Variants in FUT8 observed in about 807,000 individuals in gnomAD.
FUT8 encodes the protein alpha-(1,6)-fucosyltransferase.
FUT8 carries 29 observed loss-of-function variants against 71.3 expected under a neutral mutation model. The ratio of observed to expected loss-of-function variants is 0.41; its 90% CI spans 0.30 to 0.55. The LOEUF is 0.55. FUT8 is among the 20% of genes least tolerant of loss of function. The pLI is 0.34. For missense variants in FUT8, 544 were observed against 702.1 expected (o/e 0.77, Z 2.55); for synonymous variants, 254 against 239.3 (o/e 1.06, Z -0.57).
intron 7 of FUT8, among the ~76,000 whole-genome samples, chr14:65,718,073 A>G (rs1895215751): frequency 6.6e-6 from 1 of 152,096 alleles, no homozygotes; most frequent in Admixed American, 6.6e-5. Context: ...AGTGTTATTA[A>G]TAATAAGTAA....
At chr14:65,644,130 G>T (rs1279555150) in intron 6 of FUT8, among the ~76,000 whole-genome samples, 1 of 152,298 alleles carries the variant, frequency 6.6e-6, no homozygotes, top group South Asian at 2.1e-4. Flanking sequence ...GAATTAGGGA[G>T]TAGCAAGACG....
At chr14:65,608,458 G>A (rs530849527) in intron 3 of FUT8, among the ~76,000 whole-genome samples, 2 of 151,908 alleles carry the variant, frequency 1.3e-5, no homozygotes, top group South Asian at 2.1e-4. Context: ...TTTCATTTAG[G>A]CTACAACTCA....
intron 5 of FUT8, among the ~76,000 whole-genome samples, chr14:65,621,481 C>A (rs1003297227): frequency 7.9e-5 from 12 of 152,004 alleles, no homozygotes; most frequent in Non-Finnish European, 1.6e-4. Context: ...ATCTCTTGAC[C>A]TTGTGATCTG....
At chr14:65,386,986 C>T in the FUT8 span, among the ~76,000 whole-genome samples, 8 of 151,640 alleles carry the variant, frequency 5.3e-5, no homozygotes, top group Non-Finnish European at 1.0e-4. Flanking sequence ...GGATTACAGG[C>T]GCCTACCATC....
At chr14:65,565,926 A>G (rs528968726) in intron 3 of FUT8, among the ~76,000 whole-genome samples, 1 of 151,804 alleles carries the variant, frequency 6.6e-6, no homozygotes, top group Admixed American at 6.6e-5. Flanking sequence ...TAAACACAAA[A>G]TTATATTTAT....
At chr14:65,505,394 G>A (rs1394707028) in intron 2 of FUT8, among the ~76,000 whole-genome samples, 2 of 140,490 alleles carry the variant, frequency 1.4e-5, no homozygotes, top group African/African-American at 2.7e-5. Context: ...CTCACTGCAA[G>A]CTCCTCCTCC....
At position 65,413,341 on chromosome 14, in the gene FUT8, CCGGTT is replaced by C. The variant is rs2139349186; in HGVS notation, c.-326+128_-326+132del. 6.6e-6 allele frequency: 1 copy of C among 152,426 alleles called. No homozygotes were observed. The highest frequency in any genetic ancestry group is 1.9e-4 in the East Asian group (1 of 5,196). The allele number at this position is 152,426 out of a possible 1,614,324, so 9.4% of individuals were successfully genotyped here. A position where few individuals can be genotyped will look rare whatever the true frequency, so the allele number is the denominator to read the frequency against. Reference sequence around the variant, plus strand: ...CCCGGGCCTGTTGCTGCAACTGCTGCCGGTTAACCAGCGGCTCTCGGAAAAGTGGG... The same window carrying C: ...CCCGGGCCTGTTGCTGCAACTGCTGCAACCAGCGGCTCTCGGAAAAGTGGG... On this transcript the variant is annotated intron_variant, in intron 1 of 10. Coordinates refer to ENST00000673929, the MANE Select transcript of FUT8 (RefSeq NM_001371533.1). This position sits in a 1 kb window ranked among gnomAD's most constrained non-coding sequence, Gnocchi z 4.1.
chr14:65,583,883 GT>G (rs1240813193), intron 3 of FUT8, among the ~76,000 whole-genome samples: 1 of 152,092 alleles, frequency 6.6e-6, no homozygotes, highest in Non-Finnish European at 1.5e-5. Flanking sequence ...AAGAGTCTTT[GT>G]TTACTTTTTT....
In FUT8 at chr14:65,603,081, C is replaced by T. The variant is rs1035923783; in HGVS notation, c.204-12897C>T. Among the ~76,000 whole-genome samples, 5 of 151,754 alleles carry T rather than the reference C, an allele frequency of 3.3e-5. 1 individual carries two copies. Among genetic ancestry groups the T allele is most frequent in the South Asian group, 4.2e-4 (2 of 4,778 alleles). ...AGCCAATGTCTAGAAGGATTTTTTC[C>T]GATGTTATTTTCTAGATTTTTTTAT... On this transcript the variant is annotated intron_variant, in intron 3 of 10. Transcript: ENST00000673929. The surrounding 1 kb of genome is among the most constrained non-coding windows in gnomAD (Gnocchi z 4.5).
At chr14:65,590,516 G>A (rs1887632467) in intron 3 of FUT8, among the ~76,000 whole-genome samples, 2 of 152,230 alleles carry the variant, frequency 1.3e-5, no homozygotes, top group African/African-American at 4.8e-5. Context: ...CAAACTGGGG[G>A]GGAATAATAA....
At chr14:65,585,453 T>C (rs1887332365) in intron 3 of FUT8, among the ~76,000 whole-genome samples, 1 of 152,198 alleles carries the variant, frequency 6.6e-6, no homozygotes, top group Non-Finnish European at 1.5e-5. Context: ...TCCCAGAGTT[T>C]TGGGATTACA....
At chr14:65,425,923 G>C (rs1291091609) in intron 1 of FUT8, among the ~76,000 whole-genome samples, 1 of 151,694 alleles carries the variant, frequency 6.6e-6, no homozygotes, top group Non-Finnish European at 1.5e-5. Flanking sequence ...GTTGCAGTGA[G>C]CTGAGATCAC....
chr14:65,450,474 T>A (rs559517666), intron 1 of FUT8, among the ~76,000 whole-genome samples: 5 of 152,360 alleles, frequency 3.3e-5, no homozygotes, highest in African/African-American at 1.2e-4. Context: ...CAGCAGATCT[T>A]GTAACGTTCG....
intron 7 of FUT8, among the ~76,000 whole-genome samples, chr14:65,713,537 C>G (rs999452392): frequency 9.2e-5 from 14 of 152,104 alleles, no homozygotes; most frequent in Non-Finnish European, 1.6e-4. Context: ...TGAGGGTTCC[C>G]TTTTCTGCAC....
intron 2 of FUT8, among the ~76,000 whole-genome samples, chr14:65,547,598 A>G (rs1226307419): frequency 6.6e-6 from 1 of 151,816 alleles, no homozygotes; most frequent in Non-Finnish European, 1.5e-5. Context: ...TCTATCCACA[A>G]TCATTTCTTT....
Position 65,652,363 on chromosome 14 carries a change from G to A in FUT8, c.598-16880G>A, listed in dbSNP as rs551145251. On this transcript the variant is annotated intron_variant, in intron 6 of 10. Coordinates refer to ENST00000673929, the MANE Select transcript of FUT8 (RefSeq NM_001371533.1). The surrounding 1 kb of genome is among the most constrained non-coding windows in gnomAD (Gnocchi z 4.0). ...TAAGAGGAAGTTGGCTGGTGGGAACGTCAGAGAAATGTTTTTCTTTCTGAT... is the reference window on the plus strand; with the variant it reads ...TAAGAGGAAGTTGGCTGGTGGGAACATCAGAGAAATGTTTTTCTTTCTGAT... 3.5e-4 allele frequency among the ~76,000 whole-genome samples: 54 copies of A among 152,308 alleles called. No homozygotes were observed. The highest frequency in any genetic ancestry group is 1.2e-3 in the African/African-American group (51 of 41,576).
At chr14:65,456,413 T>C (rs2065894269) in intron 2 of FUT8, among the ~76,000 whole-genome samples, 1 of 152,232 alleles carries the variant, frequency 6.6e-6, no homozygotes, top group Non-Finnish European at 1.5e-5. Context: ...CATCAGTAGT[T>C]GTGTATCAGT....
chr14:65,686,426 T>A (rs1447380941), intron 7 of FUT8, among the ~76,000 whole-genome samples: 1 of 152,174 alleles, frequency 6.6e-6, no homozygotes, highest in Non-Finnish European at 1.5e-5. Flanking sequence ...TCTGCTGAAA[T>A]GAAAGAAAGC....
intron 2 of FUT8, among the ~76,000 whole-genome samples, chr14:65,509,965 A>G (rs1405527098): frequency 6.6e-6 from 1 of 152,162 alleles, no homozygotes; most frequent in African/African-American, 2.4e-5. Flanking sequence ...GACTCCCAGT[A>G]CTATAATGAA....
Sources: allele counts gnomAD v4.1 joint callset (sites outside exome capture counted in the v4.1 genomes callset), GRCh38; gene constraint gnomAD v4.1.1; non-coding constraint Gnocchi (gnomAD v3.1); transcripts MANE v1.5; gene names NCBI Gene and HGNC (gene_info 2026-07-23, HGNC 2026-07-21).